Variants in PRKG1 observed in about 807,000 individuals in gnomAD.
PRKG1 encodes cGMP-dependent protein kinase 1.
A neutral mutation model predicts 88.1 loss-of-function variants in PRKG1; 35 were observed. The observed-to-expected ratio is 0.40, with a 90% CI of 0.30 to 0.53. PRKG1 has a LOEUF of 0.53. Among genes scored for constraint, PRKG1 ranks in the 20% least tolerant of loss-of-function variants. The pLI is 0.59. For synonymous variants in PRKG1, 303 were observed against 292.5 expected, an observed-to-expected ratio of 1.04 and a Z score of -0.37; for missense variants, 540 against 839.8, an observed-to-expected ratio of 0.64 and a Z score of 4.41.
At chr10:51,804,315 C>A (rs572707362) in intron 3 of PRKG1, among the ~76,000 whole-genome samples, 10 of 152,164 alleles carry the variant, frequency 6.6e-5, no homozygotes, top group Admixed American at 3.9e-4. Flanking sequence ...AGACAATCAA[C>A]CCCCAAGGGT....
chr10:52,136,981 G>T (rs4935311), intron 8 of PRKG1, among the ~76,000 whole-genome samples: 58,634 of 151,892 alleles, frequency 0.39, 11,984 homozygotes, highest in East Asian at 0.65. Context: ...ATTCACAGCT[G>T]TATTTTTTAA....
intron 2 of PRKG1, among the ~76,000 whole-genome samples, chr10:51,251,102 C>T (rs1196364529): frequency 6.6e-6 from 1 of 151,708 alleles, no homozygotes; most frequent in Non-Finnish European, 1.5e-5. Flanking sequence ...ACACATGAAC[C>T]CATGTGTTCC....
chr10:51,408,164 T>C (rs1837977634), intron 2 of PRKG1, among the ~76,000 whole-genome samples: 1 of 152,160 alleles, frequency 6.6e-6, no homozygotes, highest in African/African-American at 2.4e-5. Flanking sequence ...CAGTACCATA[T>C]ATTGGATGCT....
At chr10:51,507,015 G>A (rs1295206812) in intron 3 of PRKG1, among the ~76,000 whole-genome samples, 2 of 152,046 alleles carry the variant, frequency 1.3e-5, no homozygotes, top group Non-Finnish European at 2.9e-5. Context: ...CATGGATGAA[G>A]CTGGAAACCA....
chr10:51,441,187 C>T (rs1417725544), intron 2 of PRKG1, among the ~76,000 whole-genome samples: 1 of 151,824 alleles, frequency 6.6e-6, no homozygotes, highest in East Asian at 1.9e-4. Context: ...AAAGTATCAA[C>T]TTAACACTGA....
intron 1 of PRKG1, among the ~76,000 whole-genome samples, chr10:51,094,131 C>G (rs907386007): frequency 6.6e-6 from 1 of 151,726 alleles, no homozygotes; most frequent in Non-Finnish European, 1.5e-5. Context: ...TGTGTCACAA[C>G]CTTAAATTAG....
At chr10:51,567,064 A>G (rs73341608) in intron 3 of PRKG1, among the ~76,000 whole-genome samples, 1,678 of 152,184 alleles carry the variant, frequency 0.011, 36 homozygotes, top group African/African-American at 0.038. Context: ...ATCTTAAATA[A>G]TTTTATTTAT....
chr10:52,078,248 A>G (rs1165935854), intron 7 of PRKG1, among the ~76,000 whole-genome samples: 1 of 152,236 alleles, frequency 6.6e-6, no homozygotes, highest in East Asian at 1.9e-4. Flanking sequence ...CCAAACACAA[A>G]TAGTCAAGAA....
At chr10:51,444,315 G>C (rs1035877618) in intron 2 of PRKG1, among the ~76,000 whole-genome samples, 1 of 151,772 alleles carries the variant, frequency 6.6e-6, no homozygotes, top group African/African-American at 2.4e-5. Context: ...TGCAGTGTTT[G>C]TGTGTTGGAG....
intron 3 of PRKG1, among the ~76,000 whole-genome samples, chr10:51,643,407 T>TA (rs1839846049): frequency 6.6e-6 from 1 of 152,226 alleles, no homozygotes; most frequent in Admixed American, 6.5e-5. Context: ...TTATTATACA[T>TA]ACATCTCTCT....
At chr10:51,632,093 AT>A (rs66828963) in intron 3 of PRKG1, among the ~76,000 whole-genome samples, 33 of 149,680 alleles carry the variant, frequency 2.2e-4, no homozygotes, top group African/African-American at 7.1e-4. Flanking sequence ...ACATTATGAG[AT>A]TTTTTTTTTT....
chr10:51,078,590 A>T (rs867642851), intron 1 of PRKG1, among the ~76,000 whole-genome samples: 261 of 137,310 alleles, frequency 1.9e-3, no homozygotes, highest in African/African-American at 4.5e-3. Context: ...ATATTTATTT[A>T]TATTTATTTA....
At chr10:51,849,724 C>T (rs1364815977) in intron 4 of PRKG1, among the ~76,000 whole-genome samples, 2 of 152,054 alleles carry the variant, frequency 1.3e-5, no homozygotes, top group African/African-American at 4.8e-5. Flanking sequence ...TTTTAAAATT[C>T]TTCAGATTTA....
intron 8 of PRKG1, among the ~76,000 whole-genome samples, chr10:52,159,224 T>C (rs757206109): frequency 2.0e-5 from 3 of 151,682 alleles, no homozygotes; most frequent in Non-Finnish European, 4.4e-5. Context: ...AAATAGTTTT[T>C]ATAATATTTT....
intron 7 of PRKG1, among the ~76,000 whole-genome samples, chr10:52,077,085 A>C (rs1846647884): frequency 1.3e-5 from 2 of 152,246 alleles, no homozygotes; most frequent in African/African-American, 2.4e-5. Context: ...GAAAGCTTAC[A>C]TGCATACAAA....
At chr10:51,943,483 A>G (rs1381582949) in intron 5 of PRKG1, among the ~76,000 whole-genome samples, 1 of 152,034 alleles carries the variant, frequency 6.6e-6, no homozygotes, top group African/African-American at 2.4e-5. Context: ...AGAACTTCCA[A>G]CACTATGTTG....
chr10:52,163,060 A>G (rs1392583155), intron 9 of PRKG1, among the ~76,000 whole-genome samples: 4 of 152,070 alleles, frequency 2.6e-5, no homozygotes, highest in Non-Finnish European at 4.4e-5. Context: ...AGTATTAATA[A>G]TAATCCCACC....
At chr10:51,725,919 A>G (rs1384358717) in intron 3 of PRKG1, among the ~76,000 whole-genome samples, 1 of 152,216 alleles carries the variant, frequency 6.6e-6, no homozygotes, top group East Asian at 1.9e-4. Flanking sequence ...GATTACAGGC[A>G]TGAGCCACCG....
chr10:51,663,782 G>T (rs1840359948), intron 3 of PRKG1, among the ~76,000 whole-genome samples: 1 of 150,390 alleles, frequency 6.6e-6, no homozygotes, highest in Non-Finnish European at 1.5e-5. Flanking sequence ...GGAATAAACT[G>T]CAGAAACTTA....
Sources: allele counts gnomAD v4.1 joint callset (sites outside exome capture counted in the v4.1 genomes callset), GRCh38; gene constraint gnomAD v4.1.1; transcripts MANE v1.5; gene names NCBI Gene and HGNC (gene_info 2026-07-23, HGNC 2026-07-21).